URI1: variants seen among roughly 807,000 people sequenced by gnomAD.
The protein encoded by URI1 is URI1 prefoldin like chaperone.
Under a neutral mutation model 60.2 loss-of-function variants are expected in URI1, and 39 were observed. The observed-to-expected ratio is 0.65, with a 90% CI of 0.50 to 0.85. URI1 has a LOEUF of 0.85. Among genes scored for constraint, URI1 ranks in the 40% least tolerant of loss-of-function variants. The pLI is 0.00. For missense variants in URI1, 691 were observed against 665.9 expected (o/e 1.04, Z -0.42); for synonymous variants, 251 against 236.8 (o/e 1.06, Z -0.55).
intron 1 of URI1, among the ~76,000 whole-genome samples, chr19:29,949,156 G>T (rs528707998): frequency 3.4e-4 from 52 of 151,664 alleles, no homozygotes; most frequent in African/African-American, 1.1e-3. Context: ...CCCAGATGGG[G>T]CGGCTGTGGG....
rs34942474 is a variant in URI1, at chr19:29,933,940, C to CTTTTTTTTTTTTTTTTTTTTT, written c.63+10199_63+10200insTTTTTTTTTTTTTTTTTTTTT. Among the ~76,000 whole-genome samples, 7 of 124,698 alleles carry CTTTTTTTTTTTTTTTTTTTTT rather than the reference C, an allele frequency of 5.6e-5. 1 individual carries two copies. Among genetic ancestry groups the CTTTTTTTTTTTTTTTTTTTTT allele is most frequent in the African/African-American group, 2.3e-4 (7 of 29,942 alleles). 81.8% of individuals were successfully genotyped at this position (124,698 alleles called of 152,430 possible). A position where few individuals can be genotyped will look rare whatever the true frequency, so the allele number is the denominator to read the frequency against. ...TCCTTCTTTCTTTTTCTTTTCTTCC[C>CTTTTTTTTTTTTTTTTTTTTT]TTTTTTTTTTTTTGAGATGAAGTCT... On this transcript the variant is annotated intron_variant, in intron 1 of 10. Coordinates refer to the URI1 transcript ENST00000360605.
chr19:29,982,404 G>A (rs1464908476), intron 2 of URI1, among the ~76,000 whole-genome samples: 1 of 151,942 alleles, frequency 6.6e-6, no homozygotes, highest in Non-Finnish European at 1.5e-5. Flanking sequence ...TTTTTGTGAG[G>A]AAGTTGTTTT....
Position 29,980,522 on chromosome 19 carries a change from CT to C in URI1, c.153-4698del, listed in dbSNP as rs1599696850. On this transcript the variant is annotated intron_variant, in intron 2 of 10. Coordinates refer to ENST00000392271, the MANE Select transcript of URI1 (RefSeq NM_003796.3). ...ACACTTATATAGAAATTTTTTTCCTCTTTCCCCGTTAGGCATCTCACAGTAT... is the reference window on the plus strand; with the variant it reads ...ACACTTATATAGAAATTTTTTTCCTCTTCCCCGTTAGGCATCTCACAGTAT... 3.4e-5 allele frequency among the ~76,000 whole-genome samples: 5 copies of C among 145,210 alleles called. No individual in the cohort carries two copies. In the East Asian group the frequency reaches 1.0e-3, roughly 30 times the overall value.
chr19:29,927,954 C>T (rs972822225), intron 1 of URI1, among the ~76,000 whole-genome samples: 2 of 151,882 alleles, frequency 1.3e-5, no homozygotes, highest in African/African-American at 4.8e-5. Flanking sequence ...GGATACTACA[C>T]GACACTCCAG....
At chr19:29,937,506 C>T (rs941155185), upstream of URI1, 2 of 152,162 alleles carry the variant, frequency 1.3e-5, no homozygotes, top group Non-Finnish European at 2.9e-5. Context: ...TTCTCCTCCT[C>T]TTCAGGGATT....
chr19:29,956,760 C>T, intron 1 of URI1: 2 of 1,590,464 alleles, frequency 1.3e-6, no homozygotes, highest in Non-Finnish European at 1.7e-6. Context: ...ATGTTCTGTA[C>T]ATGACTACAA....
At chr19:29,976,157 C>T (rs1363519830) in intron 2 of URI1, among the ~76,000 whole-genome samples, 1 of 152,084 alleles carries the variant, frequency 6.6e-6, no homozygotes, top group Non-Finnish European at 1.5e-5. Context: ...TAGCTCTGAA[C>T]TCAAAATATA....
chr19:30,007,611 AG>A lies in URI1; in HGVS notation c.661del (p.Glu221LysfsTer14), dbSNP rs1222690125. 1.2e-6 allele frequency: 2 copies of A among 1,609,264 alleles called. No homozygotes were observed. Among genetic ancestry groups the A allele is most frequent in the African/African-American group, 2.7e-5 (2 of 74,568 alleles). Reference protein sequence around the residue: ...LWARLEELERQEELLGELDSK... With the variant: ...LWARLEELERXEELLGELDSK... ...GCTCGACTTGAAGAACTAGAGAGAC[AG>A]GAAGAATTGCTGGGTGAACTTGATA... On this transcript the variant is annotated frameshift_variant, in exon 7 of 11. Coordinates refer to ENST00000392271, the MANE Select transcript of URI1 (RefSeq NM_003796.3). LOFTEE classifies it high-confidence loss of function.
chr19:29,953,366 A>G (rs1347819762), intron 1 of URI1, among the ~76,000 whole-genome samples: 1 of 152,186 alleles, frequency 6.6e-6, no homozygotes, highest in Non-Finnish European at 1.5e-5. Context: ...CAAAAAAAAA[A>G]TTTATTGGAC....
intron 1 of URI1, among the ~76,000 whole-genome samples, chr19:29,958,642 T>C (rs2055281353): frequency 6.6e-6 from 1 of 152,174 alleles, no homozygotes; most frequent in South Asian, 2.1e-4. Flanking sequence ...TAATTCTTTC[T>C]TTTCTTTTCT....
At chr19:29,930,438 A>T (rs2054906659) in intron 1 of URI1, among the ~76,000 whole-genome samples, 1 of 150,756 alleles carries the variant, frequency 6.6e-6, no homozygotes, top group Non-Finnish European at 1.5e-5. Context: ...GTTAATTTTT[A>T]TTCATAGTGT....
intron 1 of URI1, among the ~76,000 whole-genome samples, chr19:29,963,892 G>T (rs2055357056): frequency 6.6e-6 from 1 of 152,146 alleles, no homozygotes; most frequent in African/African-American, 2.4e-5. Flanking sequence ...TTCCTTGGAG[G>T]CTTCTGAACT....
chr19:30,001,582 G>T (rs2055878901), intron 4 of URI1, among the ~76,000 whole-genome samples: 1 of 151,842 alleles, frequency 6.6e-6, no homozygotes, highest in Non-Finnish European at 1.5e-5. Context: ...TAGGGTTTGG[G>T]GACCTGTTCT....
chr19:29,928,275 C>A (rs1016912881), intron 1 of URI1, among the ~76,000 whole-genome samples: 3 of 152,128 alleles, frequency 2.0e-5, no homozygotes, highest in Non-Finnish European at 4.4e-5. Flanking sequence ...TTCGAGGAAT[C>A]ACTAGAGAAG....
rs368249473 is a variant in URI1, at chr19:29,934,096, C to T, written c.63+10342C>T. On this transcript the variant is annotated intron_variant, in intron 1 of 10. Transcript: ENST00000360605. Reference sequence around the variant, plus strand: ...GATTACAGGTGCCTGCCACCACGCCCGGCTAATTTTTGTATTATTAGAAGA... The same window carrying T: ...GATTACAGGTGCCTGCCACCACGCCTGGCTAATTTTTGTATTATTAGAAGA... Among the ~76,000 whole-genome samples, 23 of 151,472 alleles carry T rather than the reference C, an allele frequency of 1.5e-4. No individual in the cohort carries two copies. In the East Asian group the frequency reaches 1.6e-3, roughly 11 times the overall value.
At chr19:29,971,009 G>A (rs1854024498) in intron 1 of URI1, 184 bp from the exon 2 acceptor site, 2 of 606,722 alleles carry the variant, frequency 3.3e-6, no homozygotes, top group Non-Finnish European at 5.9e-6. Context: ...TGCATTAGAG[G>A]GTTATGATAA....
At chr19:29,994,063 A>ATGTG (rs3053922) in intron 4 of URI1, among the ~76,000 whole-genome samples, 247 of 147,978 alleles carry the variant, frequency 1.7e-3, no homozygotes, top group African/African-American at 5.5e-3. Flanking sequence ...CTCTGTGTGT[A>ATGTG]TGTGTGTGTG....
chr19:29,942,623 C>A lies in URI1; in HGVS notation c.76C>A (p.Arg26Ser). 1 of 1,465,026 alleles carries A rather than the reference C, an allele frequency of 6.8e-7. No homozygotes were observed. The highest frequency in any genetic ancestry group is 9.0e-7 in the Non-Finnish European group (1 of 1,112,522). The allele number at this position is 1,465,026 out of a possible 1,614,324, so 90.8% of individuals were successfully genotyped here. The part of the protein sequence containing the change: ...SAPAPALVPL[R>S]APDVARLREE... ...CCCGGCCCCTGCCCTGGTTCCGTTG[C>A]GCGCCCCGGATGTGGCGCGGCTGCG... Residue 26 changes from arginine to serine, a missense_variant, in exon 1 of 11, where the codon CGC becomes AGC. Physicochemically the swap from Arg to Ser is moderately radical, Grantham distance 110. Transcript: ENST00000392271.
In URI1 at chr19:30,015,568, C is replaced by G. The variant is rs1245205565; in HGVS notation, c.*499C>G. 2.0e-6 allele frequency: 3 copies of G among 1,534,636 alleles called. No homozygotes were observed. Among genetic ancestry groups the G allele is most frequent in the East Asian group, 4.9e-5 (2 of 40,816 alleles). ...GGCTAGTTGGCTATTCAAGAAACCT[C>G]GCCCCTCTGAATGTCATACTGTAAT... is the stretch of plus-strand genomic sequence containing the variant. On this transcript the variant is annotated 3_prime_UTR_variant, in exon 11 of 11. Coordinates refer to ENST00000392271, the MANE Select transcript of URI1 (RefSeq NM_003796.3).
Sources: gnomAD v4.1 joint callset for allele counts (sites outside exome capture counted in the v4.1 genomes callset) on GRCh38, gnomAD v4.1.1 for gene constraint, MANE v1.5 for transcripts, NCBI Gene and HGNC (gene_info 2026-07-23, HGNC 2026-07-21) for gene names.